GRIA1: variants seen among roughly 807,000 people sequenced by gnomAD.
GRIA1 encodes glutamate receptor 1.
Under a neutral mutation model 99.2 loss-of-function variants are expected in GRIA1, and 31 were observed. The observed-to-expected ratio is 0.31, with a 90% CI of 0.23 to 0.42. The LOEUF (loss-of-function observed/expected upper bound fraction) is 0.42, where lower values mean the gene tolerates loss of function less well. Ranked by LOEUF, GRIA1 falls within the 10% of genes least tolerant of loss-of-function variation. The probability of loss-of-function intolerance (pLI) is 1.00; values close to 1 mark genes in which losing one functional copy is unlikely to be tolerated. For synonymous variants in GRIA1, 438 were observed against 432.4 expected (o/e 1.01, Z -0.16); for missense variants, 782 against 1,157.5 (o/e 0.68, Z 4.71).
intron 2 of GRIA1, among the ~76,000 whole-genome samples, chr5:153,646,357 T>G (rs1754146034): frequency 6.6e-6 from 1 of 152,248 alleles, no homozygotes; most frequent in East Asian, 1.9e-4. Context: ...ATAGCTGGAT[T>G]CTTCCTGTAG....
chr5:153,540,879 C>A (rs931805978), intron 2 of GRIA1, among the ~76,000 whole-genome samples: 1 of 152,090 alleles, frequency 6.6e-6, no homozygotes, highest in Non-Finnish European at 1.5e-5. Context: ...TCTGAGGCAA[C>A]AAAAGGCTTG....
At chr5:153,694,250 C>T (rs146114897) in intron 8 of GRIA1, among the ~76,000 whole-genome samples, 2 of 152,032 alleles carry the variant, frequency 1.3e-5, no homozygotes, top group Non-Finnish European at 2.9e-5. Flanking sequence ...CTGGCTTACA[C>T]AGATTCATCT....
At chr5:153,632,433 G>A (rs1753046427) in intron 2 of GRIA1, among the ~76,000 whole-genome samples, 2 of 152,196 alleles carry the variant, frequency 1.3e-5, no homozygotes, top group Non-Finnish European at 1.5e-5. Context: ...CAAAAGTCAG[G>A]CAGCTGGGTT....
intron 1 of GRIA1, 60 bp from the exon 2 acceptor site, chr5:153,493,868 C>G (rs187762145): frequency 8.3e-6 from 13 of 1,566,976 alleles, no homozygotes; most frequent in South Asian, 2.3e-5. Flanking sequence ...TGGAGTGAGT[C>G]GTGAGGAACT....
intron 5 of GRIA1, among the ~76,000 whole-genome samples, chr5:153,672,655 T>C (rs571432609): frequency 6.6e-6 from 1 of 152,190 alleles, no homozygotes; most frequent in Admixed American, 6.5e-5. Flanking sequence ...TCTATTCTTT[T>C]AGATAGAAAA....
chr5:153,689,425 T>C (rs1404279404), intron 8 of GRIA1, among the ~76,000 whole-genome samples: 2 of 152,224 alleles, frequency 1.3e-5, no homozygotes, highest in Non-Finnish European at 2.9e-5. Flanking sequence ...TTCTACATTG[T>C]ATATGAGTAG....
At chr5:153,663,303 C>A (rs1336176990) in intron 5 of GRIA1, among the ~76,000 whole-genome samples, 1 of 152,246 alleles carries the variant, frequency 6.6e-6, no homozygotes, top group African/African-American at 2.4e-5. Flanking sequence ...AAACTTAAAA[C>A]CTTTCCCATT....
intron 2 of GRIA1, among the ~76,000 whole-genome samples, chr5:153,632,520 A>G (rs1012832863): frequency 2.0e-5 from 3 of 152,214 alleles, no homozygotes; most frequent in African/African-American, 7.2e-5. Flanking sequence ...CATCTAGAAA[A>G]GGACAATAAT....
intron 2 of GRIA1, among the ~76,000 whole-genome samples, chr5:153,538,563 TAGTC>T (rs1758792622): frequency 6.6e-6 from 1 of 152,084 alleles, no homozygotes; most frequent in East Asian, 1.9e-4. Context: ...AGGTGGCTCT[TAGTC>T]AGCTCACAGG....
intron 2 of GRIA1, among the ~76,000 whole-genome samples, chr5:153,618,813 A>G (rs1456916828): frequency 6.6e-6 from 1 of 152,238 alleles, no homozygotes; most frequent in Non-Finnish European, 1.5e-5. Flanking sequence ...ATTACCTGTG[A>G]CACTACTATG....
chr5:153,651,459 C>T (rs1349413882), intron 4 of GRIA1, among the ~76,000 whole-genome samples: 2 of 152,108 alleles, frequency 1.3e-5, no homozygotes, highest in African/African-American at 2.4e-5. Flanking sequence ...TTTGTAGATT[C>T]CTTATCTTTT....
chr5:153,522,199 A>G (rs2113377898), intron 2 of GRIA1, among the ~76,000 whole-genome samples: 1 of 152,340 alleles, frequency 6.6e-6, no homozygotes, highest in Non-Finnish European at 1.5e-5. Context: ...GCCATATCCT[A>G]TTTGTGCCTC....
rs1361940367 is a variant in GRIA1 at position 153,677,248 on chromosome 5, G to GA, written c.1029+91dup. On this transcript the variant is annotated intron_variant, in intron 7 of 15. Transcript: ENST00000285900. ...TCCAATAAAACACAGCTATTCTAAA[G>GA]AAAAGGAAGAAAATGCCTGAAGTTC... The GA allele has an allele frequency of 4.5e-6, 5 of 1,122,354 alleles. No individual in the cohort carries two copies. The African/African-American group carries it at 6.4e-5, about 14-fold the overall frequency. The allele number at this position is 1,122,354 out of a possible 1,614,324, so 69.5% of individuals were successfully genotyped here.
chr5:153,768,041 C>G (rs1433739334), intron 12 of GRIA1, among the ~76,000 whole-genome samples: 2 of 152,220 alleles, frequency 1.3e-5, no homozygotes, highest in Non-Finnish European at 2.9e-5. Flanking sequence ...TGTGTCCATA[C>G]TGTCAGGTCA....
At chr5:153,656,829 C>A (rs1205431020) in intron 5 of GRIA1, among the ~76,000 whole-genome samples, 1 of 152,112 alleles carries the variant, frequency 6.6e-6, no homozygotes, top group East Asian at 1.9e-4. Flanking sequence ...TAGGAGAAAT[C>A]CCTTACCTAT....
intron 2 of GRIA1, among the ~76,000 whole-genome samples, chr5:153,500,528 G>C (rs1394876967): frequency 6.8e-6 from 1 of 148,062 alleles, no homozygotes; most frequent in Non-Finnish European, 1.5e-5. Context: ...AGGGGCTCAG[G>C]TTCTTATAAA....
chr5:153,710,722 C>G (rs1412270728), intron 11 of GRIA1, among the ~76,000 whole-genome samples: 2 of 152,086 alleles, frequency 1.3e-5, no homozygotes, highest in Non-Finnish European at 2.9e-5. Flanking sequence ...GTTCTAAGTG[C>G]TGAGGATATG....
intron 2 of GRIA1, among the ~76,000 whole-genome samples, chr5:153,506,501 T>G (rs571543643): frequency 6.6e-6 from 1 of 152,306 alleles, no homozygotes; most frequent in East Asian, 1.9e-4. Flanking sequence ...AACTTCATCT[T>G]AGCTCTGTGC....
At chr5:153,767,793 C>T (rs890129724) in intron 12 of GRIA1, among the ~76,000 whole-genome samples, 5 of 152,270 alleles carry the variant, frequency 3.3e-5, no homozygotes, top group Admixed American at 6.5e-5. Flanking sequence ...ATGGGAGCTG[C>T]GGATGATAGG....
Sources: gnomAD v4.1 joint callset for allele counts (sites outside exome capture counted in the v4.1 genomes callset) on GRCh38, gnomAD v4.1.1 for gene constraint, MANE v1.5 for transcripts, NCBI Gene and HGNC (gene_info 2026-07-23, HGNC 2026-07-21) for gene names.